Variants in MAG observed in about 807,000 individuals in gnomAD.
MAG encodes the protein myelin-associated glycoprotein.
A neutral mutation model predicts 60.7 loss-of-function variants in MAG; 30 were observed. The ratio of observed to expected loss-of-function variants is 0.49; its 90% confidence interval spans 0.37 to 0.67. The LOEUF (loss-of-function observed/expected upper bound fraction) is 0.67, where lower values mean the gene tolerates loss of function less well. MAG is among the 30% of genes least tolerant of loss of function. The pLI, the probability that MAG is intolerant of heterozygous loss-of-function variation, is 0.00. For synonymous variants in MAG, 384 were observed against 376.8 expected, an observed-to-expected ratio of 1.02 and a Z score of -0.22; for missense variants, 795 against 851.7, an observed-to-expected ratio of 0.93 and a Z score of 0.83.
In MAG at chr19:35,295,335, A is replaced by G. The variant is rs1002263114; in HGVS notation, c.-23-51A>G. The G allele has an allele frequency of 2.6e-6, 4 of 1,513,370 alleles. No homozygotes were observed. Among genetic ancestry groups the G allele is most frequent in the South Asian group, 1.1e-5 (1 of 87,900 alleles). 93.7% of individuals were successfully genotyped at this position (1,513,370 alleles called of 1,614,324 possible). A position where few individuals can be genotyped will look rare whatever the true frequency, so the allele number is the denominator to read the frequency against. ...GGCCCCTTCCTGAAGCCCAGATGGAACACCCCCTTTCACTTCCCCCAGCCT... is the reference window on the plus strand; with the variant it reads ...GGCCCCTTCCTGAAGCCCAGATGGAGCACCCCCTTTCACTTCCCCCAGCCT... On this transcript the variant is annotated intron_variant, in intron 2 of 10. Transcript: ENST00000392213. This position sits in a 1 kb window ranked among gnomAD's most constrained non-coding sequence, Gnocchi z 5.8.
intron 10 of MAG, chr19:35,312,350 C>A (rs764176386): frequency 1.2e-6 from 2 of 1,605,920 alleles, no homozygotes; most frequent in Non-Finnish European, 1.7e-6. Flanking sequence ...CCTCAGTGTG[C>A]CCTCCTCTGG....
At position 35,310,022 on chromosome 19, in the gene MAG, C is replaced by T. The variant is rs148978165; in HGVS notation, c.1380C>T (p.Phe460=). The T allele has an allele frequency of 6.3e-5, 102 of 1,613,844 alleles. No individual in the cohort carries two copies. Among genetic ancestry groups the T allele is most frequent in the Non-Finnish European group, 8.5e-5 (100 of 1,179,934 alleles). ...CCGTGAACGAGAGCGAGCGGGAGTTCGTGTACTCGGAGCGCAGCGGCCTCG... is the reference window on the plus strand; with the variant it reads ...CCGTGAACGAGAGCGAGCGGGAGTTTGTGTACTCGGAGCGCAGCGGCCTCG... The part of the protein sequence containing the change: ...NVTVNESERE[F]VYSERSGLVL... Residue 460 remains phenylalanine, a synonymous_variant, in exon 8 of 11, where the codon TTC becomes TTT. Coordinates refer to ENST00000392213, the MANE Select transcript of MAG (RefSeq NM_002361.4).
In MAG at chr19:35,299,606, G is replaced by C. The variant is rs571568846; in HGVS notation, c.468G>C (p.Glu156Asp). The C allele has an allele frequency of 2.4e-5, 39 of 1,607,808 alleles. No individual in the cohort carries two copies. The African/African-American group carries it at 4.0e-4, about 17-fold the overall frequency. Residue 156 changes from glutamate to aspartate, a missense_variant, in exon 5 of 11, where the codon GAG becomes GAC. Coordinates refer to ENST00000392213, the MANE Select transcript of MAG (RefSeq NM_002361.4). Reference sequence around the variant, plus strand: ...AGGTGGTGGCAGGCACGGAGGTGGAGGTCAGCTGCATGGTGCCGGACAACT... The same window carrying C: ...AGGTGGTGGCAGGCACGGAGGTGGACGTCAGCTGCATGGTGCCGGACAACT... ...PPEVVAGTEV[E>D]VSCMVPDNCP... is the part of the protein sequence containing the mutation.
chr19:35,294,498 C>G (rs2066381415), intron 2 of MAG, among the ~76,000 whole-genome samples: 1 of 152,250 alleles, frequency 6.6e-6, no homozygotes, highest in Non-Finnish European at 1.5e-5. Flanking sequence ...CTTAACCTCT[C>G]TGGACCTCAG....
chr19:35,303,871 A>T (rs76686246), intron 7 of MAG, among the ~76,000 whole-genome samples: 2 of 151,228 alleles, frequency 1.3e-5, no homozygotes, highest in African/African-American at 4.9e-5. Context: ...TCCTTAAGCA[A>T]TTCCCTCTGG....
At chr19:35,312,916 G>A (rs1296404038) in intron 10 of MAG, among the ~76,000 whole-genome samples, 1 of 152,158 alleles carries the variant, frequency 6.6e-6, no homozygotes, top group Non-Finnish European at 1.5e-5. Flanking sequence ...GCAGGTGCCT[G>A]TAATCCCAGC....
At chr19:35,310,260 T>C in intron 8 of MAG, 99 bp downstream of exon 8, 3 of 1,402,704 alleles carry the variant, frequency 2.1e-6, no homozygotes, top group African/African-American at 1.4e-5. Flanking sequence ...GCATGGGCTA[T>C]GCAGATTGAC....
intron 4 of MAG, among the ~76,000 whole-genome samples, chr19:35,298,566 C>T (rs1192338212): frequency 6.6e-6 from 1 of 150,576 alleles, no homozygotes; most frequent in Non-Finnish European, 1.5e-5. Context: ...CTACACAAAC[C>T]ACACACACTA....
At position 35,295,432 on chromosome 19, in the gene MAG, T is replaced by G. The variant is rs2066388642; in HGVS notation, c.24T>G (p.Pro8=). 3 of 1,613,842 alleles carry G rather than the reference T, an allele frequency of 1.9e-6. No individual in the cohort carries two copies. The Admixed American group carries it at 5.0e-5, about 27-fold the overall frequency. Residue 8 remains proline (P), a synonymous_variant, in exon 3 of 11, where the codon CCT becomes CCG. Coordinates refer to ENST00000392213, the MANE Select transcript of MAG (RefSeq NM_002361.4). The surrounding 1 kb of genome is among the most constrained non-coding windows in gnomAD (Gnocchi z 5.8). MIFLTAL[P]LFWIMISASR... Reference sequence around the variant, plus strand: ...GAATGATATTCCTCACGGCACTGCCTCTGTTCTGGATTATGATTTCAGGTA... The same window carrying G: ...GAATGATATTCCTCACGGCACTGCCGCTGTTCTGGATTATGATTTCAGGTA...
chr19:35,297,490 C>T (rs1372450580), intron 4 of MAG, among the ~76,000 whole-genome samples: 11 of 149,788 alleles, frequency 7.3e-5, no homozygotes, highest in Non-Finnish European at 1.5e-4. Context: ...ACACTACCCA[C>T]ACACCACACC....
intron 4 of MAG, 34 bp downstream of exon 4, chr19:35,296,015 C>A (rs1416176724): frequency 1.3e-6 from 2 of 1,529,502 alleles, no homozygotes; most frequent in African/African-American, 2.8e-5. Context: ...GCACCGGGAG[C>A]TGGGGCAGCG....
chr19:35,292,371 G>T (rs993342882), intron 1 of MAG, among the ~76,000 whole-genome samples, 167 bp downstream of exon 1: 5 of 151,950 alleles, frequency 3.3e-5, no homozygotes, highest in African/African-American at 1.2e-4. Context: ...GGATGGGCTC[G>T]GACCATCGCT....
At chr19:35,296,971 C>T (rs1240165366) in intron 4 of MAG, among the ~76,000 whole-genome samples, 1 of 147,612 alleles carries the variant, frequency 6.8e-6, no homozygotes, top group Non-Finnish European at 1.5e-5. Flanking sequence ...GCATACACTA[C>T]ACACACACAC....
intron 7 of MAG, among the ~76,000 whole-genome samples, chr19:35,309,544 T>C (rs1359563848): frequency 6.6e-6 from 1 of 152,056 alleles, no homozygotes; most frequent in Non-Finnish European, 1.5e-5. Context: ...CCTCGCAAAG[T>C]GCTAGGATTA....
chr19:35,304,408 C>T lies in MAG; in HGVS notation c.1231+1700C>T, dbSNP rs373109496. Reference sequence around the variant, plus strand: ...CAAGCCTGCAGCACCAACTCACATACATTTTCCGGTGGGGTGCAGATCTCT... The same window carrying T: ...CAAGCCTGCAGCACCAACTCACATATATTTTCCGGTGGGGTGCAGATCTCT... On this transcript the variant is annotated intron_variant, in intron 7 of 10. Transcript: ENST00000392213. Among the ~76,000 whole-genome samples, 32 of 152,328 alleles carry T rather than the reference C, an allele frequency of 2.1e-4. No homozygotes were observed. In the South Asian group the frequency reaches 5.8e-3, roughly 28 times the overall value.
intron 6 of MAG, among the ~76,000 whole-genome samples, chr19:35,300,737 A>C (rs117329445): frequency 6.6e-6 from 1 of 152,150 alleles, no homozygotes; most frequent in East Asian, 1.9e-4. Context: ...TTACTTTATA[A>C]AATTTTTTTG....
chr19:35,302,985 A>C (rs906729265), intron 7 of MAG, among the ~76,000 whole-genome samples: 3 of 138,954 alleles, frequency 2.2e-5, no homozygotes, highest in Non-Finnish European at 3.0e-5. Flanking sequence ...GTGCAGTGGC[A>C]GGATCTCGGC....
In MAG at chr19:35,296,410, C is replaced by T. The variant is rs111736597; in HGVS notation, c.415+429C>T. Among the ~76,000 whole-genome samples the T allele has an allele frequency of 9.7e-3, 1,481 of 152,288 alleles. 34 individuals carry two copies. Among genetic ancestry groups the T allele is most frequent in the African/African-American group, 0.034 (1,396 of 41,552 alleles). Reference sequence around the variant, plus strand: ...AAGCCATCAGATGCCCAGAGCAGCACCTGGCACGTGGCCCCCAGCTCTGGC... The same window carrying T: ...AAGCCATCAGATGCCCAGAGCAGCATCTGGCACGTGGCCCCCAGCTCTGGC... On this transcript the variant is annotated intron_variant, in intron 4 of 10. Coordinates refer to ENST00000392213, the MANE Select transcript of MAG (RefSeq NM_002361.4).
At position 35,311,992 on chromosome 19, in the gene MAG, T is replaced by C; in HGVS notation, c.1691T>C (p.Ile564Thr). The C allele has an allele frequency of 6.2e-7, 1 of 1,613,006 alleles. No homozygotes were observed. The highest frequency in any genetic ancestry group is 2.2e-5 in the East Asian group (1 of 44,760). ...GTCCTGTTCAGCAGCGACTTCCGCATCTCTGGGGCACCAGAGAAGTACGAG... is the reference window on the plus strand; with the variant it reads ...GTCCTGTTCAGCAGCGACTTCCGCACCTCTGGGGCACCAGAGAAGTACGAG... Reference protein sequence around the residue: ...PPVLFSSDFRISGAPEKYESE... With the variant: ...PPVLFSSDFRTSGAPEKYESE... The change falls in exon 10 of 11, where the codon ATC becomes ACC. Residue 564 changes from isoleucine (I) to threonine (T), a missense_variant. Ile to Thr is a moderately conservative substitution (Grantham distance 89). Transcript: ENST00000392213.
Sources: allele counts gnomAD v4.1 joint callset (sites outside exome capture counted in the v4.1 genomes callset), GRCh38; gene constraint gnomAD v4.1.1; non-coding constraint Gnocchi (gnomAD v3.1); transcripts MANE v1.5; gene names NCBI Gene and HGNC (gene_info 2026-07-23, HGNC 2026-07-21).